DUX4: variants seen among roughly 807,000 people sequenced by gnomAD.
The protein encoded by DUX4 is double homeobox 4.
chr4:190,176,156 C>T (rs1482937416), downstream of DUX4, among the ~76,000 whole-genome samples: 1 of 107,468 alleles, frequency 9.3e-6, no homozygotes, highest in Non-Finnish European at 2.2e-5. Flanking sequence ...GCAGAGATAT[C>T]TCACAAAGCC....
downstream of DUX4, among the ~76,000 whole-genome samples, chr4:190,178,916 C>T (rs1742463032): frequency 2.4e-4 from 25 of 103,348 alleles, no homozygotes; most frequent in African/African-American, 3.9e-4. Flanking sequence ...TAGGCAGATC[C>T]AAGACAAGAG....
At chr4:190,182,300 A>G (rs1377488790) in intron 1 of DUX4, 2 of 96,370 alleles carry the variant, frequency 2.1e-5, no homozygotes, top group African/African-American at 2.8e-5. Flanking sequence ...GCTTAGGCTT[A>G]GGGTTAGGCT....
rs1235545877 is a variant in DUX4 at position 190,175,801 on chromosome 4, A to C, written c.*391A>C. On this transcript the variant is annotated 3_prime_UTR_variant, in exon 2 of 2. Transcript: ENST00000565211. Reference sequence around the variant, plus strand: ...TTAGAGTTACATCTCCTGGATGATTAGTTCAGAGATATATTAAAATGCCCC... The same window carrying C: ...TTAGAGTTACATCTCCTGGATGATTCGTTCAGAGATATATTAAAATGCCCC... 6.6e-6 allele frequency: 1 copy of C among 151,840 alleles called. No homozygotes were observed. The highest frequency in any genetic ancestry group is 2.6e-5 in the African/African-American group (1 of 38,158). 9.4% of individuals were successfully genotyped at this position (151,840 alleles called of 1,614,324 possible).
chr4:190,181,321 A>G (rs1488021895), intron 1 of DUX4, among the ~76,000 whole-genome samples: 1 of 34,728 alleles, frequency 2.9e-5, no homozygotes, highest in Non-Finnish European at 6.3e-5. Context: ...GAAGAGTCCC[A>G]TCCCCTGGGT....
downstream of DUX4, among the ~76,000 whole-genome samples, chr4:190,176,890 G>T (rs1742327619): frequency 7.6e-6 from 1 of 132,062 alleles, no homozygotes; most frequent in African/African-American, 2.5e-5. Flanking sequence ...TCACCTAGGT[G>T]ATCAGTGCAG....
At chr4:190,176,682 G>T (rs1579831862), downstream of DUX4, among the ~76,000 whole-genome samples, 1 of 117,714 alleles carries the variant, frequency 8.5e-6, no homozygotes, top group Non-Finnish European at 2.0e-5. Flanking sequence ...TCATCACTTG[G>T]TTGATCAGTT....
At chr4:190,177,564 A>G (rs2126569047), downstream of DUX4, among the ~76,000 whole-genome samples, 1 of 152,102 alleles carries the variant, frequency 6.6e-6, no homozygotes, top group Non-Finnish European at 1.5e-5. Flanking sequence ...CAAGCGTTAC[A>G]TCACATGAGT....
downstream of DUX4, among the ~76,000 whole-genome samples, chr4:190,177,191 C>CA (rs1742349944): frequency 8.9e-5 from 6 of 67,104 alleles, no homozygotes; most frequent in Admixed American, 1.9e-4. Context: ...TGTCAAAACG[C>CA]CCCTGTAGGC....
In DUX4 at chr4:190,173,844, T is replaced by C. The variant is rs1742139994; in HGVS notation, c.71T>C (p.Leu24Pro). 6.1e-6 allele frequency: 1 copy of C among 164,938 alleles called. No individual in the cohort carries two copies. 10.2% of individuals were successfully genotyped at this position (164,938 alleles called of 1,614,324 possible). A position where few individuals can be genotyped will look rare whatever the true frequency, so the allele number is the denominator to read the frequency against. Reference protein sequence around the residue: ...EARGRGRRRRLVWTPSQSEAL... With the variant: ...EARGRGRRRRPVWTPSQSEAL... ...CGGGGACGAGGACGGCGACGGAGACTCGTTTGGACCCCGAGCCAAAGCGAG... is the reference window on the plus strand; with the variant it reads ...CGGGGACGAGGACGGCGACGGAGACCCGTTTGGACCCCGAGCCAAAGCGAG... The change falls in exon 1 of 2, where the codon CTC becomes CCC. Residue 24 changes from leucine to proline, a missense_variant. Transcript: ENST00000565211.
chr4:190,176,243 A>G (rs1208231360), downstream of DUX4, among the ~76,000 whole-genome samples: 1 of 109,044 alleles, frequency 9.2e-6, no homozygotes, highest in South Asian at 3.3e-4. Flanking sequence ...CCCCCTGTAG[A>G]CAAAGCCCAG....
downstream of DUX4, among the ~76,000 whole-genome samples, chr4:190,176,984 G>A (rs1431736932): frequency 0.012 from 603 of 51,016 alleles, 1 homozygote; most frequent in East Asian, 0.047. Context: ...TTGACACAAT[G>A]CCCCCATAGA....
chr4:190,179,163 T>C (rs1742480550), downstream of DUX4, among the ~76,000 whole-genome samples: 1 of 152,022 alleles, frequency 6.6e-6, no homozygotes, highest in African/African-American at 2.4e-5. Flanking sequence ...CAGAGATACA[T>C]TGCAATGCCC....
chr4:190,175,495 G>C (rs1365331250), intron 1 of DUX4, among the ~76,000 whole-genome samples, 152 bp from the exon 2 acceptor site: 2 of 8,602 alleles, frequency 2.3e-4, no homozygotes, highest in Non-Finnish European at 6.6e-4. Context: ...CGCAGCGTCC[G>C]GGCCTGACAC....
downstream of DUX4, among the ~76,000 whole-genome samples, chr4:190,178,204 T>G (rs1742409884): frequency 2.2e-4 from 33 of 151,640 alleles, no homozygotes; most frequent in South Asian, 8.4e-4. Flanking sequence ...AGTGCAGAGA[T>G]ATGTCACAAT....
chr4:190,178,649 A>AAAATATTACATCACCT (rs1742439296), downstream of DUX4, among the ~76,000 whole-genome samples: 1 of 152,068 alleles, frequency 6.6e-6, no homozygotes, highest in Non-Finnish European at 1.5e-5. Flanking sequence ...AGTGCTTATA[A>AAAATATTACATCACCT]AAGTGTTACA....
chr4:190,184,339 C>CTTT (rs1212886281), intron 1 of DUX4, among the ~76,000 whole-genome samples: 8 of 40,432 alleles, frequency 2.0e-4, no homozygotes, highest in East Asian at 2.2e-3. Context: ...AACAGAGATC[C>CTTT]TTTTTTTTTT....
At chr4:190,179,012 TAGTGCAGAGTTATG>T (rs1742471435), downstream of DUX4, among the ~76,000 whole-genome samples, 14 of 34,718 alleles carry the variant, frequency 4.0e-4, no homozygotes, top group East Asian at 1.2e-3. Flanking sequence ...CCTGGATGAT[TAGTGCAGAGTTATG>T]TCACAAAGTC....
chr4:190,179,256 C>T (rs1579835238), downstream of DUX4, among the ~76,000 whole-genome samples: 3 of 108,400 alleles, frequency 2.8e-5, no homozygotes, highest in African/African-American at 1.1e-4. Context: ...TAGGCAGATC[C>T]TAGACAAGAG....
At chr4:190,176,341 G>C (rs1440541965), downstream of DUX4, among the ~76,000 whole-genome samples, 2 of 114,688 alleles carry the variant, frequency 1.7e-5, no homozygotes, top group African/African-American at 5.2e-5. Context: ...ACATCACCTG[G>C]GTGATCAGTG....
Sources: gnomAD v4.1 joint callset for allele counts (sites outside exome capture counted in the v4.1 genomes callset) on GRCh38, gnomAD v4.1.1 for gene constraint, MANE v1.5 for transcripts, NCBI Gene and HGNC (gene_info 2026-07-23, HGNC 2026-07-21) for gene names.